Variants in C1QTNF3 observed in about 807,000 individuals in gnomAD.
C1QTNF3 encodes complement C1q tumor necrosis factor-related protein 3.
C1QTNF3 carries 26 observed loss-of-function variants against 32.6 expected under a neutral mutation model. The ratio of observed to expected loss-of-function variants is 0.80; its 90% CI spans 0.58 to 1.11. The LOEUF (loss-of-function observed/expected upper bound fraction) is 1.11. Among genes scored for constraint, C1QTNF3 ranks in the 50% least tolerant of loss-of-function variants. The pLI is 0.00. For synonymous variants in C1QTNF3, 155 were observed against 146.0 expected, an observed-to-expected ratio of 1.06 and a Z score of -0.44; for missense variants, 362 against 398.2, an observed-to-expected ratio of 0.91 and a Z score of 0.77.
the C1QTNF3 span, among the ~76,000 whole-genome samples, chr5:34,172,730 T>C: frequency 6.6e-6 from 1 of 152,324 alleles, no homozygotes; most frequent in South Asian, 2.1e-4. Flanking sequence ...TATATTATTT[T>C]GCAAACTCCT....
intron 2 of C1QTNF3, among the ~76,000 whole-genome samples, chr5:34,034,986 G>C (rs1388074597): frequency 6.6e-6 from 1 of 152,130 alleles, no homozygotes; most frequent in Non-Finnish European, 1.5e-5. Context: ...CCTGAGATGA[G>C]GTCCTACCCT....
chr5:34,155,676 A>G, the C1QTNF3 span, among the ~76,000 whole-genome samples: 1 of 152,222 alleles, frequency 6.6e-6, no homozygotes, highest in Admixed American at 6.5e-5. Flanking sequence ...GTTCTTAGGA[A>G]GATTTTTAAA....
the C1QTNF3 span, among the ~76,000 whole-genome samples, chr5:34,079,496 T>A: frequency 6.6e-6 from 1 of 151,740 alleles, no homozygotes; most frequent in African/African-American, 2.4e-5. Context: ...TTTGTTTTTT[T>A]ATTAATAGCC....
the C1QTNF3 span, among the ~76,000 whole-genome samples, chr5:34,112,046 T>C: frequency 1.1e-4 from 17 of 152,190 alleles, no homozygotes; most frequent in Middle Eastern, 3.2e-3. Context: ...ATCTTTGCCA[T>C]AGAGATGTGT....
At chr5:34,049,626 G>T in the C1QTNF3 span, among the ~76,000 whole-genome samples, 27 of 152,334 alleles carry the variant, frequency 1.8e-4, no homozygotes, top group African/African-American at 6.3e-4. Flanking sequence ...GCTACAGCAG[G>T]ATCTTGAAAG....
the C1QTNF3 span, among the ~76,000 whole-genome samples, chr5:34,170,769 C>A: frequency 6.6e-6 from 1 of 151,982 alleles, no homozygotes; most frequent in Non-Finnish European, 1.5e-5. Flanking sequence ...GAATTGATAC[C>A]AACTGCAGTT....
the C1QTNF3 span, among the ~76,000 whole-genome samples, chr5:34,132,470 G>T: frequency 2.4e-5 from 3 of 123,432 alleles, no homozygotes; most frequent in African/African-American, 9.9e-5. Context: ...TATATATATG[G>T]TGTAGCAGAA....
chr5:34,103,532 A>T, the C1QTNF3 span, among the ~76,000 whole-genome samples: 2 of 147,856 alleles, frequency 1.4e-5, no homozygotes, highest in Non-Finnish European at 3.0e-5. Context: ...GTTAAAAAAC[A>T]GGTAGTCTGG....
the C1QTNF3 span, among the ~76,000 whole-genome samples, chr5:34,079,397 A>G: frequency 1.3e-4 from 19 of 151,548 alleles, 1 homozygote; most frequent in East Asian, 7.7e-4. Context: ...AGAAATTCAT[A>G]TTTTTTTCAT....
chr5:34,223,796 G>A, the C1QTNF3 span, among the ~76,000 whole-genome samples: 2 of 152,080 alleles, frequency 1.3e-5, no homozygotes, highest in Admixed American at 6.6e-5. Context: ...GGAAGTTCTG[G>A]CCACGGCAAT....
At chr5:34,116,663 C>T in the C1QTNF3 span, among the ~76,000 whole-genome samples, 43 of 151,340 alleles carry the variant, frequency 2.8e-4, no homozygotes, top group African/African-American at 9.2e-4. Context: ...GATGCTATCT[C>T]GGCTCACTGC....
At chr5:34,061,460 A>G in the C1QTNF3 span, among the ~76,000 whole-genome samples, 1 of 152,106 alleles carries the variant, frequency 6.6e-6, no homozygotes, top group Non-Finnish European at 1.5e-5. Context: ...TTTCCCTTCC[A>G]CACTGTCCAA....
the C1QTNF3 span, among the ~76,000 whole-genome samples, chr5:34,144,683 T>C: frequency 6.6e-6 from 1 of 152,144 alleles, no homozygotes; most frequent in African/African-American, 2.4e-5. Context: ...TGAATAACTC[T>C]TCAGAGAACA....
At chr5:34,182,685 A>G in the C1QTNF3 span, 371 of 524,364 alleles carry the variant, frequency 7.1e-4, no homozygotes, top group African/African-American at 6.6e-3. Context: ...ATTACCTCCC[A>G]CGAGTACAGG....
the C1QTNF3 span, among the ~76,000 whole-genome samples, chr5:34,212,688 A>G: frequency 6.6e-6 from 1 of 150,806 alleles, no homozygotes; most frequent in East Asian, 2.0e-4. Flanking sequence ...AGAAATGCAA[A>G]TCAAAACCAC....
the C1QTNF3 span, chr5:34,165,643 G>C: frequency 5.9e-4 from 89 of 151,880 alleles, 1 homozygote; most frequent in Middle Eastern, 3.4e-3. Context: ...CTTTTTATAT[G>C]TCAAATAATT....
chr5:34,139,718 C>G, the C1QTNF3 span, among the ~76,000 whole-genome samples: 4 of 152,098 alleles, frequency 2.6e-5, no homozygotes, highest in African/African-American at 9.7e-5. Context: ...CCTAGAATCA[C>G]TATTTCTCTC....
chr5:34,154,091 G>A, the C1QTNF3 span, among the ~76,000 whole-genome samples: 1 of 151,882 alleles, frequency 6.6e-6, no homozygotes, highest in Non-Finnish European at 1.5e-5. Context: ...TAATACCAAT[G>A]AGAGTTGTTT....
chr5:34,031,508 TG>T (rs1754612315), intron 3 of C1QTNF3, among the ~76,000 whole-genome samples: 1 of 152,184 alleles, frequency 6.6e-6, no homozygotes, highest in Admixed American at 6.5e-5. Context: ...AAATTTATAT[TG>T]GCACATGGAT....
Sources: gnomAD v4.1 joint callset for allele counts (sites outside exome capture counted in the v4.1 genomes callset) on GRCh38, gnomAD v4.1.1 for gene constraint, MANE v1.5 for transcripts, NCBI Gene and HGNC (gene_info 2026-07-23, HGNC 2026-07-21) for gene names.